The following ARMC8 variants were observed in gnomAD, a reference collection of about 807,000 sequenced individuals.
ARMC8 encodes the protein armadillo repeat-containing protein 8.
A neutral mutation model predicts 99.3 loss-of-function variants in ARMC8; 20 were observed. That is an observed-to-expected ratio of 0.20 (90% confidence interval 0.14 to 0.29). The LOEUF is 0.29. Ranked by LOEUF, ARMC8 falls within the 10% of genes least tolerant of loss-of-function variation. The pLI, the probability that ARMC8 is intolerant of heterozygous loss-of-function variation, is 1.00. For synonymous variants in ARMC8, 263 were observed against 278.3 expected, an observed-to-expected ratio of 0.95 and a Z score of 0.55; for missense variants, 569 against 809.5, an observed-to-expected ratio of 0.70 and a Z score of 3.60.
At chr3:138,281,850 A>G (rs1338544035) in intron 18 of ARMC8, among the ~76,000 whole-genome samples, 2 of 152,172 alleles carry the variant, frequency 1.3e-5, no homozygotes, top group Non-Finnish European at 2.9e-5. Flanking sequence ...AGGAGAGTCT[A>G]AAAGTGTTTA....
intron 1 of ARMC8, among the ~76,000 whole-genome samples, chr3:138,197,120 G>A (rs965521599): frequency 3.9e-5 from 6 of 152,132 alleles, no homozygotes; most frequent in Non-Finnish European, 8.8e-5. Context: ...GGTGATTGTG[G>A]GTCTGGACAC....
rs570676111 is a variant in ARMC8, at chr3:138,267,155, G to A, written c.1300G>A (p.Val434Ile). Reference protein sequence around the residue: ...DHAVWKPLMKVLQNAPDEILV... With the variant: ...DHAVWKPLMKILQNAPDEILV... ...GTAGTATCCTTTTTTAATTCCATAG[G>A]TTTTACAAAATGCACCAGATGAAAT... The change falls in exon 15 of 22, where the codon GTT (valine) becomes ATT (isoleucine). Residue 434 changes from valine to isoleucine, a missense_variant and splice_region_variant. This residue lies in a region of ARMC8 where 227 missense variants were observed against 417.9 expected (regional missense o/e 0.54). Coordinates refer to ENST00000469044, the MANE Select transcript of ARMC8 (RefSeq NM_001363941.2). The A allele has an allele frequency of 2.0e-6, 3 of 1,535,894 alleles. No individual in the cohort carries two copies. Among genetic ancestry groups the A allele is most frequent in the Non-Finnish European group, 2.7e-6 (3 of 1,129,652 alleles).
At chr3:138,242,995 T>C (rs2046698708) in intron 11 of ARMC8, among the ~76,000 whole-genome samples, 1 of 152,198 alleles carries the variant, frequency 6.6e-6, no homozygotes, top group East Asian at 1.9e-4. Context: ...ATGGGTTACA[T>C]ACATTTAACC....
chr3:138,250,592 A>G (rs2047078011), intron 12 of ARMC8, among the ~76,000 whole-genome samples: 1 of 152,190 alleles, frequency 6.6e-6, no homozygotes, highest in African/African-American at 2.4e-5. Flanking sequence ...TGTATTAATA[A>G]TTGGTTAAAA....
At chr3:138,214,687 C>T (rs984823481) in intron 2 of ARMC8, among the ~76,000 whole-genome samples, 1 of 152,146 alleles carries the variant, frequency 6.6e-6, no homozygotes, top group African/African-American at 2.4e-5. Context: ...GATGGAGTCT[C>T]GCTCTGTCAC....
chr3:138,263,954 A>G (rs2048003360), intron 13 of ARMC8, 133 bp downstream of exon 13: 2 of 1,009,348 alleles, frequency 2.0e-6, no homozygotes, highest in African/African-American at 3.2e-5. Flanking sequence ...CATAGAGTAT[A>G]TAACATTGTC....
chr3:138,273,104 C>G lies in ARMC8; in HGVS notation c.1617C>G (p.Leu539=), dbSNP rs774698014. The G allele has an allele frequency of 1.7e-5, 28 of 1,606,528 alleles. No homozygotes were observed. The African/African-American group carries it at 2.4e-4, about 14-fold the overall frequency. The change falls in exon 17 of 22, where the codon CTC becomes CTG. Residue 539 remains leucine (L), a synonymous_variant. Coordinates refer to ENST00000469044, the MANE Select transcript of ARMC8 (RefSeq NM_001363941.2). The part of the protein sequence containing the change: ...MKTLGLLRNL[L]STRPHIDKIM... ...CATTGGGACTTCTTAGAAATCTCCT[C>G]TCCACTCGTCCTGTAAGTAAAATCA...
intron 7 of ARMC8, among the ~76,000 whole-genome samples, chr3:138,235,798 CTTT>C (rs71146120): frequency 6.2e-5 from 5 of 80,540 alleles, no homozygotes; most frequent in African/African-American, 2.5e-4. Context: ...TCCTTTTAGT[CTTT>C]TTTTTTTTTT....
chr3:138,188,307 A>C (rs911551813), intron 1 of ARMC8: 16 of 1,090,676 alleles, frequency 1.5e-5, no homozygotes, highest in Non-Finnish European at 1.9e-5. Flanking sequence ...TGAAGGGGGG[A>C]AAAGGGGGTG....
chr3:138,272,611 T>C (rs1033831271), intron 16 of ARMC8, among the ~76,000 whole-genome samples: 1 of 152,250 alleles, frequency 6.6e-6, no homozygotes, highest in African/African-American at 2.4e-5. Flanking sequence ...GCCTGGTGGC[T>C]CACACCTGTA....
At chr3:138,234,416 A>G (rs922838958) in intron 6 of ARMC8, among the ~76,000 whole-genome samples, 2 of 152,286 alleles carry the variant, frequency 1.3e-5, no homozygotes, top group African/African-American at 4.8e-5. Context: ...GGCTGAACCA[A>G]TACTTTTAAA....
chr3:138,240,405 T>G (rs1304534534), intron 10 of ARMC8, among the ~76,000 whole-genome samples: 2 of 152,198 alleles, frequency 1.3e-5, no homozygotes, highest in Non-Finnish European at 2.9e-5. Context: ...TAAACAACTC[T>G]TCATAGAGTG....
chr3:138,227,050 A>G (rs1333114918), intron 5 of ARMC8, among the ~76,000 whole-genome samples: 2 of 152,206 alleles, frequency 1.3e-5, no homozygotes, highest in East Asian at 3.8e-4. Flanking sequence ...GCTGTTTAAA[A>G]AGCTGTTTGA....
intron 5 of ARMC8, among the ~76,000 whole-genome samples, chr3:138,227,830 C>T (rs1012999297): frequency 6.6e-6 from 1 of 152,176 alleles, no homozygotes; most frequent in African/African-American, 2.4e-5. Flanking sequence ...AAGTACATCT[C>T]CTGGGAATTT....
intron 2 of ARMC8, among the ~76,000 whole-genome samples, chr3:138,220,651 A>G (rs1465623485): frequency 2.0e-5 from 3 of 152,076 alleles, no homozygotes; most frequent in African/African-American, 4.8e-5. Context: ...TTGGTGTTAG[A>G]AATGTATGCT....
chr3:138,229,134 GTATATATATATATATATA>G lies in ARMC8; in HGVS notation c.528+156_528+173del, dbSNP rs71146119. ...TATAAGTAGACCTGTGTGTGTGCGT[GTATATATATATATATATA>G]TATATATATATATATATATATATAT... On this transcript the variant is annotated intron_variant, in intron 6 of 21. Transcript: ENST00000469044. 2.9e-3 allele frequency: 230 copies of G among 78,612 alleles called. 8 individuals carry two copies. Among genetic ancestry groups the G allele is most frequent in the Admixed American group, 9.7e-3 (64 of 6,620 alleles). The allele number at this position is 78,612 out of a possible 1,614,324, so 4.9% of individuals were successfully genotyped here. A position where few individuals can be genotyped will look rare whatever the true frequency, so the allele number is the denominator to read the frequency against.
chr3:138,235,348 C>A (rs970040054), intron 7 of ARMC8, among the ~76,000 whole-genome samples: 3 of 151,326 alleles, frequency 2.0e-5, no homozygotes, highest in African/African-American at 7.3e-5. Flanking sequence ...TGATTTGCAC[C>A]CATTAAATTT....
intron 15 of ARMC8, 73 bp from the exon 16 acceptor site, chr3:138,269,967 C>T: frequency 1.8e-5 from 17 of 966,294 alleles, no homozygotes; most frequent in Non-Finnish European, 2.8e-5. Context: ...CACAAAGTGC[C>T]AAGGTATATG....
chr3:138,215,552 A>G (rs1182772841), intron 2 of ARMC8, among the ~76,000 whole-genome samples: 2 of 152,178 alleles, frequency 1.3e-5, no homozygotes, highest in Admixed American at 6.5e-5. Flanking sequence ...GCTTAACTGC[A>G]TGCTGCCATA....
Sources: gnomAD v4.1 joint callset for allele counts (sites outside exome capture counted in the v4.1 genomes callset) on GRCh38, gnomAD v4.1.1 for gene constraint, gnomAD v4.1.1 regional missense constraint, MANE v1.5 for transcripts, NCBI Gene and HGNC (gene_info 2026-07-23, HGNC 2026-07-21) for gene names.